Variants in EDIL3 observed in about 807,000 individuals in gnomAD.
EDIL3 encodes the protein EGF-like repeat and discoidin I-like domain-containing protein 3.
EDIL3 carries 37 observed loss-of-function variants against 67.4 expected under a neutral mutation model. The observed-to-expected ratio is 0.55, with a 90% CI of 0.42 to 0.72. The LOEUF is 0.72. Ranked by LOEUF, EDIL3 falls within the 30% of genes least tolerant of loss-of-function variation. The pLI, the probability that EDIL3 is intolerant of heterozygous loss-of-function variation, is 0.00. For missense variants in EDIL3, 527 were observed against 586.3 expected, an observed-to-expected ratio of 0.90 and a Z score of 1.04; for synonymous variants, 195 against 196.3, an observed-to-expected ratio of 0.99 and a Z score of 0.05.
At position 84,019,940 on chromosome 5, in the gene EDIL3, T is replaced by C. The variant is rs140508193; in HGVS notation, c.1137+40360A>G. ...CCTGGACTGTCGCCCCACAGTGCAA[T>C]GGTCCTAGGAAAGTGATAGGGCACC... On this transcript the variant is annotated intron_variant, in intron 9 of 10. Coordinates refer to ENST00000296591, the MANE Select transcript of EDIL3 (RefSeq NM_005711.5). Among the ~76,000 whole-genome samples, 248 of 152,078 alleles carry C rather than the reference T, an allele frequency of 1.6e-3. 2 individuals are homozygous for C. The highest frequency in any genetic ancestry group is 5.7e-3 in the African/African-American group (236 of 41,520).
intron 9 of EDIL3, among the ~76,000 whole-genome samples, chr5:83,999,155 G>A (rs1165276693): frequency 6.6e-6 from 1 of 152,078 alleles, no homozygotes; most frequent in Non-Finnish European, 1.5e-5. Flanking sequence ...TGAATAATTG[G>A]AAAACCTTCC....
chr5:84,040,281 C>A (rs1327283144), intron 9 of EDIL3, among the ~76,000 whole-genome samples: 1 of 152,096 alleles, frequency 6.6e-6, no homozygotes, highest in African/African-American at 2.4e-5. Context: ...TAACGTGCAT[C>A]ATGCACTTAC....
intron 1 of EDIL3, among the ~76,000 whole-genome samples, chr5:84,305,268 T>C (rs1746242327): frequency 6.6e-6 from 1 of 152,216 alleles, no homozygotes; most frequent in Admixed American, 6.5e-5. Context: ...TGGATACATA[T>C]GTGAACAAAT....
intron 10 of EDIL3, among the ~76,000 whole-genome samples, chr5:83,944,565 T>C (rs1231367049): frequency 6.6e-6 from 1 of 151,840 alleles, no homozygotes; most frequent in Non-Finnish European, 1.5e-5. Flanking sequence ...TGGGGTAAAC[T>C]GAGGTATTTA....
chr5:84,328,314 C>G (rs1746804586), intron 1 of EDIL3, among the ~76,000 whole-genome samples: 1 of 151,892 alleles, frequency 6.6e-6, no homozygotes, highest in African/African-American at 2.4e-5. Flanking sequence ...ACACTTAGGC[C>G]ATGAAGATGT....
intron 4 of EDIL3, among the ~76,000 whole-genome samples, chr5:84,147,179 T>C (rs566013721): frequency 1.6e-4 from 25 of 152,264 alleles, no homozygotes; most frequent in South Asian, 4.1e-4. Flanking sequence ...AAAAAAATTC[T>C]GTATGTGATC....
At chr5:84,071,964 CAG>C (rs759962216) in intron 6 of EDIL3, among the ~76,000 whole-genome samples, 11 of 152,026 alleles carry the variant, frequency 7.2e-5, no homozygotes, top group Middle Eastern at 3.4e-3. Flanking sequence ...GGAAAAAAGA[CAG>C]AGTATTAAAT....
chr5:83,953,043 G>A (rs1355617542), intron 10 of EDIL3, among the ~76,000 whole-genome samples: 2 of 151,718 alleles, frequency 1.3e-5, no homozygotes, highest in African/African-American at 4.8e-5. Flanking sequence ...CTGAAGCAGG[G>A]TGCCTAGGTG....
At chr5:84,252,507 A>AAAAAAAAAAAAAAAAAAAAAAAAAAT (rs1745044322) in intron 2 of EDIL3, among the ~76,000 whole-genome samples, 1 of 148,478 alleles carries the variant, frequency 6.7e-6, no homozygotes, top group African/African-American at 2.5e-5. Context: ...AAAAAAAAAA[A>AAAAAAAAAAAAAAAAAAAAAAAAAAT]AAAAAAAAAA....
intron 1 of EDIL3, among the ~76,000 whole-genome samples, chr5:84,334,067 ATTT>A (rs5869222): frequency 2.1e-5 from 3 of 142,038 alleles, no homozygotes; most frequent in Non-Finnish European, 1.5e-5. Flanking sequence ...GGAAGAGTTG[ATTT>A]TTTTTTTTTT....
chr5:84,316,021 G>A (rs1172643643), intron 1 of EDIL3, among the ~76,000 whole-genome samples: 5 of 152,152 alleles, frequency 3.3e-5, no homozygotes, highest in Non-Finnish European at 7.4e-5. Context: ...AGCTTCATAA[G>A]TGAAGGAGAA....
intron 3 of EDIL3, among the ~76,000 whole-genome samples, chr5:84,206,054 C>T (rs1223547099): frequency 1.3e-5 from 2 of 151,428 alleles, no homozygotes; most frequent in African/African-American, 4.9e-5. Flanking sequence ...GCATTTAGTG[C>T]TATAAATTTC....
At chr5:84,075,159 T>C (rs1315517938) in intron 6 of EDIL3, among the ~76,000 whole-genome samples, 2 of 143,224 alleles carry the variant, frequency 1.4e-5, no homozygotes, top group East Asian at 2.1e-4. Flanking sequence ...TAAGAACACA[T>C]GGACACAGGA....
At chr5:84,346,882 C>T (rs993070444) in intron 1 of EDIL3, among the ~76,000 whole-genome samples, 5 of 152,184 alleles carry the variant, frequency 3.3e-5, no homozygotes, top group African/African-American at 1.2e-4. Context: ...GACTGAGACT[C>T]AATCCTGATG....
chr5:84,020,830 A>G (rs1745702211), intron 9 of EDIL3, among the ~76,000 whole-genome samples: 2 of 152,192 alleles, frequency 1.3e-5, no homozygotes, highest in East Asian at 3.9e-4. Context: ...AAAGGCTACA[A>G]AAGTAACTTA....
intron 6 of EDIL3, among the ~76,000 whole-genome samples, chr5:84,069,468 T>C (rs1746697028): frequency 6.6e-6 from 1 of 152,186 alleles, no homozygotes; most frequent in South Asian, 2.1e-4. Flanking sequence ...ATAAAATATG[T>C]GAATATTATA....
chr5:84,307,854 G>A (rs1264207892), intron 1 of EDIL3, among the ~76,000 whole-genome samples: 2 of 152,082 alleles, frequency 1.3e-5, no homozygotes, highest in African/African-American at 4.8e-5. Flanking sequence ...ATATGAATTA[G>A]AAGGAGGGGG....
At position 83,942,017 on chromosome 5, in the gene EDIL3, T is replaced by C. The variant is rs1561380087; in HGVS notation, c.*1402A>G. The C allele has an allele frequency of 6.6e-6, 1 of 152,012 alleles. No homozygotes were observed. The highest frequency in any genetic ancestry group is 1.5e-5 in the Non-Finnish European group (1 of 67,946). 9.4% of individuals were successfully genotyped at this position (152,012 alleles called of 1,614,324 possible). Reference sequence around the variant, plus strand: ...GTAGGATCTTAACATTTCATACACATACCATCCTTTCTTTTCCAATACACT... The same window carrying C: ...GTAGGATCTTAACATTTCATACACACACCATCCTTTCTTTTCCAATACACT... On this transcript the variant is annotated 3_prime_UTR_variant, in exon 11 of 11. Coordinates refer to ENST00000296591, the MANE Select transcript of EDIL3 (RefSeq NM_005711.5).
chr5:83,998,868 A>C (rs76137328), intron 9 of EDIL3, among the ~76,000 whole-genome samples: 1,869 of 152,264 alleles, frequency 0.012, 30 homozygotes, highest in African/African-American at 0.043. Context: ...GTGACCCAGC[A>C]CTGTCCCAGT....
Sources: gnomAD v4.1 joint callset for allele counts (sites outside exome capture counted in the v4.1 genomes callset) on GRCh38, gnomAD v4.1.1 for gene constraint, MANE v1.5 for transcripts, NCBI Gene and HGNC (gene_info 2026-07-23, HGNC 2026-07-21) for gene names.